Variants in CAMKMT observed in about 807,000 individuals in gnomAD.
CAMKMT encodes calmodulin-lysine N-methyltransferase.
CAMKMT carries 53 observed loss-of-function variants against 48.0 expected under a neutral mutation model. The observed-to-expected ratio is 1.10, with a 90% CI of 0.89 to 1.39. The LOEUF (loss-of-function observed/expected upper bound fraction) is 1.39, where lower values mean the gene tolerates loss of function less well. Ranked by LOEUF, CAMKMT falls within the 40% of genes most tolerant of loss-of-function variation. CAMKMT has a pLI of 0.00. For synonymous variants in CAMKMT, 165 were observed against 152.3 expected (o/e 1.08, Z -0.61); for missense variants, 428 against 402.7 (o/e 1.06, Z -0.54).
intron 3 of CAMKMT, among the ~76,000 whole-genome samples, chr2:44,529,157 A>G (rs1666332637): frequency 1.3e-5 from 2 of 152,194 alleles, no homozygotes; most frequent in Admixed American, 1.3e-4. Context: ...TTGGTTCACT[A>G]GCATCCTCCA....
rs191765334 is a variant in CAMKMT, at chr2:44,531,199, C to T, written c.376+140894C>T. On this transcript the variant is annotated intron_variant, in intron 3 of 10. Transcript: ENST00000378494. Reference sequence around the variant, plus strand: ...GAATTTTAATAGTTTTTGTTCTGCGCGGTTTTTAAGATTAAAAATTAAGCC... The same window carrying T: ...GAATTTTAATAGTTTTTGTTCTGCGTGGTTTTTAAGATTAAAAATTAAGCC... Among the ~76,000 whole-genome samples the T allele has an allele frequency of 2.0e-3, 310 of 152,096 alleles. 1 individual carries two copies. Among genetic ancestry groups the T allele is most frequent in the Non-Finnish European group, 2.7e-3 (180 of 67,922 alleles).
At chr2:44,649,771 C>G (rs1673954541) in intron 3 of CAMKMT, among the ~76,000 whole-genome samples, 1 of 152,180 alleles carries the variant, frequency 6.6e-6, no homozygotes, top group African/African-American at 2.4e-5. Flanking sequence ...CTCTCCTGTC[C>G]TTACCCTGTG....
intron 3 of CAMKMT, among the ~76,000 whole-genome samples, chr2:44,633,550 C>G (rs1186989351): frequency 6.6e-6 from 1 of 152,140 alleles, no homozygotes; most frequent in Non-Finnish European, 1.5e-5. Context: ...TTAAGCCTAT[C>G]CGACAAAATT....
At chr2:44,441,358 C>CAA (rs1353416134) in intron 3 of CAMKMT, among the ~76,000 whole-genome samples, 1 of 152,100 alleles carries the variant, frequency 6.6e-6, no homozygotes, top group Non-Finnish European at 1.5e-5. Flanking sequence ...TCTAGGATAA[C>CAA]AAGTGAGTTA....
At chr2:44,421,348 T>G (rs560485474) in intron 3 of CAMKMT, among the ~76,000 whole-genome samples, 1 of 152,260 alleles carries the variant, frequency 6.6e-6, no homozygotes, top group South Asian at 2.1e-4. Context: ...ACATCTCTTT[T>G]AAAGATAAAA....
At chr2:44,452,469 T>A (rs1281129847) in intron 3 of CAMKMT, among the ~76,000 whole-genome samples, 1 of 152,046 alleles carries the variant, frequency 6.6e-6, no homozygotes, top group East Asian at 1.9e-4. Flanking sequence ...ATAGAAATAA[T>A]GTTTAAATAT....
chr2:44,514,304 A>C (rs932612933), intron 3 of CAMKMT, among the ~76,000 whole-genome samples: 1 of 151,776 alleles, frequency 6.6e-6, no homozygotes, highest in African/African-American at 2.4e-5. Flanking sequence ...TGTAGGAAAA[A>C]TAACTTCTGC....
chr2:44,644,751 G>T (rs891069344), intron 3 of CAMKMT, among the ~76,000 whole-genome samples: 8 of 152,236 alleles, frequency 5.3e-5, no homozygotes, highest in African/African-American at 1.9e-4. Flanking sequence ...ATAGCTTGGG[G>T]TTTTTGGTAA....
In CAMKMT at chr2:44,585,539, G is replaced by C. The variant is rs377149661; in HGVS notation, c.377-118744G>C. 5.9e-5 allele frequency among the ~76,000 whole-genome samples: 9 copies of C among 152,132 alleles called. No homozygotes were observed. The East Asian group carries it at 7.7e-4, about 13-fold the overall frequency. On this transcript the variant is annotated intron_variant, in intron 3 of 10. Coordinates refer to ENST00000378494, the MANE Select transcript of CAMKMT (RefSeq NM_024766.5). ...TTTATAAATACATATCCAAATGCTGGAGTTATTCTGAATTTCTGTGTCATG... is the reference window on the plus strand; with the variant it reads ...TTTATAAATACATATCCAAATGCTGCAGTTATTCTGAATTTCTGTGTCATG...
chr2:44,488,033 C>A (rs1269511776), intron 3 of CAMKMT, among the ~76,000 whole-genome samples: 1 of 152,154 alleles, frequency 6.6e-6, no homozygotes. Flanking sequence ...TAAGAGAACT[C>A]TAAAATTGAG....
chr2:44,629,734 T>A (rs1342627096), intron 3 of CAMKMT, among the ~76,000 whole-genome samples: 1 of 152,002 alleles, frequency 6.6e-6, no homozygotes, highest in Non-Finnish European at 1.5e-5. Context: ...CACTGCTCAA[T>A]GAAATAAAAG....
chr2:44,487,344 CATT>C lies in CAMKMT; in HGVS notation c.376+97042_376+97044del, dbSNP rs150795457. On this transcript the variant is annotated intron_variant, in intron 3 of 10. Transcript: ENST00000378494. The stretch of plus-strand genomic sequence containing the variant: ...CTTAAAAAGAACTTTCTAGCAAAGT[CATT>C]ATAGGTAATGATTTCTCAAATGTTT... 1.1e-4 allele frequency among the ~76,000 whole-genome samples: 17 copies of C among 151,986 alleles called. No homozygotes were observed. The East Asian group carries it at 3.3e-3, about 29-fold the overall frequency.
intron 3 of CAMKMT, among the ~76,000 whole-genome samples, chr2:44,497,709 AAGAGAGAGAG>A (rs70937918): frequency 4.3e-5 from 6 of 138,910 alleles, no homozygotes; most frequent in Admixed American, 1.6e-4. Flanking sequence ...TAAGCAGGCA[AAGAGAGAGAG>A]AGAGAGAGAG....
At chr2:44,445,231 C>G (rs1666910310) in intron 3 of CAMKMT, among the ~76,000 whole-genome samples, 2 of 152,142 alleles carry the variant, frequency 1.3e-5, no homozygotes, top group Admixed American at 6.5e-5. Flanking sequence ...TGGCTACAAA[C>G]TGCTTTGGCA....
At chr2:44,551,276 T>A (rs114442081) in intron 3 of CAMKMT, among the ~76,000 whole-genome samples, 8 of 152,262 alleles carry the variant, frequency 5.3e-5, no homozygotes, top group Non-Finnish European at 1.2e-4. Context: ...ATTAATTGTA[T>A]TTATAAATTT....
At chr2:44,455,208 A>G (rs1479479387) in intron 3 of CAMKMT, among the ~76,000 whole-genome samples, 1 of 151,424 alleles carries the variant, frequency 6.6e-6, no homozygotes, top group Non-Finnish European at 1.5e-5. Flanking sequence ...GAAACGTGAA[A>G]GTAGGACTGG....
chr2:44,391,441 G>A (rs369939724), intron 3 of CAMKMT, among the ~76,000 whole-genome samples: 17 of 152,074 alleles, frequency 1.1e-4, no homozygotes, highest in African/African-American at 4.1e-4. Context: ...TTGGCATTTA[G>A]TGAATTCTCT....
chr2:44,759,070 C>T (rs1278491626), intron 9 of CAMKMT, among the ~76,000 whole-genome samples: 1 of 152,192 alleles, frequency 6.6e-6, no homozygotes, highest in Non-Finnish European at 1.5e-5. Context: ...TCCCAGAGTC[C>T]TGCCTATCTC....
intron 3 of CAMKMT, among the ~76,000 whole-genome samples, chr2:44,600,151 C>CT (rs920962901): frequency 4.6e-5 from 7 of 152,000 alleles, no homozygotes; most frequent in Admixed American, 2.0e-4. Flanking sequence ...AGATATTGAT[C>CT]TTTTTTTCAG....
Sources: allele counts gnomAD v4.1 joint callset (sites outside exome capture counted in the v4.1 genomes callset), GRCh38; gene constraint gnomAD v4.1.1; transcripts MANE v1.5; gene names NCBI Gene and HGNC (gene_info 2026-07-23, HGNC 2026-07-21).